Variants in BRAF observed in about 807,000 individuals in gnomAD.
The protein encoded by BRAF is B-Raf proto-oncogene, serine/threonine kinase.
A neutral mutation model predicts 104.6 loss-of-function variants in BRAF; 16 were observed. That is an observed-to-expected ratio of 0.15 (90% CI 0.10 to 0.23). The LOEUF is 0.23. Ranked by LOEUF, BRAF falls within the 10% of genes least tolerant of loss-of-function variation. BRAF has a pLI of 1.00. For missense variants in BRAF, 541 were observed against 937.3 expected (o/e 0.58, Z 5.52); for synonymous variants, 310 against 341.6 (o/e 0.91, Z 1.02).
chr7:140,891,088 A>C (rs1461343105), intron 1 of BRAF, among the ~76,000 whole-genome samples: 2 of 152,230 alleles, frequency 1.3e-5, no homozygotes, highest in Admixed American at 1.3e-4. Context: ...ATAGGCTCCT[A>C]TACTACAAAG....
chr7:140,816,353 G>T (rs148925014), intron 3 of BRAF, among the ~76,000 whole-genome samples: 1 of 152,274 alleles, frequency 6.6e-6, no homozygotes, highest in African/African-American at 2.4e-5. Flanking sequence ...AAAGGAGAGG[G>T]AAGGTCTAGC....
intron 3 of BRAF, among the ~76,000 whole-genome samples, chr7:140,829,161 T>C (rs1806413234): frequency 6.6e-6 from 1 of 151,228 alleles, no homozygotes; most frequent in African/African-American, 2.4e-5. Flanking sequence ...GTTTCCAAAT[T>C]TATACAGACT....
intron 2 of BRAF, among the ~76,000 whole-genome samples, chr7:140,836,499 A>T (rs2129063470): frequency 6.8e-6 from 1 of 146,014 alleles, no homozygotes; most frequent in South Asian, 2.2e-4. Context: ...GGGGGCGGGG[A>T]ATAGTAACAA....
chr7:140,793,599 A>T (rs1802199440), intron 8 of BRAF, among the ~76,000 whole-genome samples: 1 of 152,208 alleles, frequency 6.6e-6, no homozygotes, highest in Non-Finnish European at 1.5e-5. Context: ...TTTGTTGGTC[A>T]TAATGCCAAG....
chr7:140,728,498 A>C (rs565833011), intron 19 of BRAF, among the ~76,000 whole-genome samples: 11 of 152,126 alleles, frequency 7.2e-5, no homozygotes, highest in Non-Finnish European at 1.6e-4. Flanking sequence ...GGGTAAAAGA[A>C]TTATTGCCTC....
intron 1 of BRAF, among the ~76,000 whole-genome samples, chr7:140,868,860 A>G (rs1022464600): frequency 3.3e-5 from 5 of 152,240 alleles, no homozygotes; most frequent in African/African-American, 1.2e-4. Flanking sequence ...ATGATGGCCA[A>G]GTGAAAGATG....
chr7:140,759,694 A>C (rs895177473), intron 14 of BRAF, among the ~76,000 whole-genome samples: 6 of 152,192 alleles, frequency 3.9e-5, no homozygotes, highest in Non-Finnish European at 5.9e-5. Flanking sequence ...CCCTGATTAC[A>C]GGTATTTTAA....
At chr7:140,904,766 G>T (rs962822052) in intron 1 of BRAF, among the ~76,000 whole-genome samples, 1 of 151,904 alleles carries the variant, frequency 6.6e-6, no homozygotes, top group Admixed American at 6.6e-5. Context: ...GCACCACCAC[G>T]CCCAGCTAAT....
rs2130826951 is a variant in BRAF, at chr7:140,724,362, T to C, written c.*2132A>G. 5 of 1,054,978 alleles carry C rather than the reference T, an allele frequency of 4.7e-6. No individual in the cohort carries two copies. The highest frequency in any genetic ancestry group is 5.7e-6 in the Non-Finnish European group (5 of 872,816). 65.4% of individuals were successfully genotyped at this position (1,054,978 alleles called of 1,614,324 possible). ...GGGAACACAGCCACATTTAAAAGCATCTAGAGATATATTTAAAAAGAAAAA... is the reference window on the plus strand; with the variant it reads ...GGGAACACAGCCACATTTAAAAGCACCTAGAGATATATTTAAAAAGAAAAA... On this transcript the variant is annotated 3_prime_UTR_variant, in exon 20 of 20. Transcript: ENST00000644969.
chr7:140,719,726 G>C lies in BRAF; in HGVS notation c.*6768C>G. On this transcript the variant is annotated 3_prime_UTR_variant, in exon 20 of 20. Transcript: ENST00000644969. ...GTCTTTTTTATGAATTGAAAAATAA[G>C]CTTTAAAAATAGTTACTCCATTGTA... 1 of 1,061,678 alleles carries C rather than the reference G, an allele frequency of 9.4e-7. No individual in the cohort carries two copies. Among genetic ancestry groups the C allele is most frequent in the Non-Finnish European group, 1.1e-6 (1 of 876,954 alleles). 65.8% of individuals were successfully genotyped at this position (1,061,678 alleles called of 1,614,324 possible).
intron 1 of BRAF, among the ~76,000 whole-genome samples, chr7:140,888,140 T>C (rs1484457496): frequency 1.3e-5 from 2 of 152,198 alleles, no homozygotes; most frequent in Non-Finnish European, 2.9e-5. Context: ...TCCAAAGTGC[T>C]GGGATCACAG....
At chr7:140,741,486 C>T (rs1291711086) in intron 17 of BRAF, 1 of 152,170 alleles carries the variant, frequency 6.6e-6, no homozygotes, top group Non-Finnish European at 1.5e-5. Context: ...GCTTATCATA[C>T]CTTTCTTTAC....
intron 17 of BRAF, among the ~76,000 whole-genome samples, chr7:140,743,386 T>G (rs1404315158): frequency 1.3e-5 from 2 of 152,064 alleles, no homozygotes; most frequent in African/African-American, 4.8e-5. Flanking sequence ...TGGAATACTA[T>G]GCAGCCATAA....
At chr7:140,808,351 CAAAAAAAAAAAA>C (rs35843886) in intron 4 of BRAF, 56 of 199,058 alleles carry the variant, frequency 2.8e-4, no homozygotes, top group Admixed American at 8.3e-4. Context: ...TCCTGGGGTC[CAAAAAAAAAAAA>C]AAAAAAAAAA....
intron 14 of BRAF, among the ~76,000 whole-genome samples, chr7:140,763,016 C>G (rs1428969533): frequency 6.6e-6 from 1 of 152,366 alleles, no homozygotes; most frequent in Admixed American, 6.5e-5. Flanking sequence ...TCTTTCTACA[C>G]AGACACGGCA....
chr7:140,755,910 T>C (rs751483231), intron 14 of BRAF, among the ~76,000 whole-genome samples: 21 of 151,828 alleles, frequency 1.4e-4, no homozygotes, highest in Non-Finnish European at 2.8e-4. Flanking sequence ...AGGTTCTTTT[T>C]CCTGCAAGAC....
Position 140,850,182 on chromosome 7 carries a change from T to A in BRAF, c.169A>T (p.Thr57Ser), listed in dbSNP as rs1354935301. ...AATAGGGCCTCTATATGTTCCTGTG[T>A]CAACTTAATCATTTGTTTGATATTC... ...VWNIKQMIKL[T>S]QEHIEALLDK... is the part of the protein sequence containing the mutation. The change falls in exon 2 of 20, where the codon ACA (threonine) becomes TCA (serine). Residue 57 changes from threonine (T) to serine (S), a missense_variant. Thr to Ser is a moderately conservative substitution (Grantham distance 58). Around this residue, in one of 10 missense-constraint regions of BRAF, gnomAD observed 86 missense variants for 133.9 expected, o/e 0.64. Transcript: ENST00000644969. 1 of 1,611,366 alleles carries A rather than the reference T, an allele frequency of 6.2e-7. No homozygotes were observed. The highest frequency in any genetic ancestry group is 8.5e-7 in the Non-Finnish European group (1 of 1,178,640).
At chr7:140,846,987 T>A (rs1466585293) in intron 2 of BRAF, among the ~76,000 whole-genome samples, 1 of 151,762 alleles carries the variant, frequency 6.6e-6, no homozygotes, top group African/African-American at 2.4e-5. Context: ...GAAACCTGTC[T>A]CCACTAAAAA....
intron 2 of BRAF, among the ~76,000 whole-genome samples, chr7:140,844,153 C>T (rs1460991582): frequency 1.3e-5 from 2 of 152,126 alleles, no homozygotes; most frequent in African/African-American, 2.4e-5. Flanking sequence ...CCTTCCCCTC[C>T]CTTGTCCAAG....
Sources: gnomAD v4.1 joint callset for allele counts (sites outside exome capture counted in the v4.1 genomes callset) on GRCh38, gnomAD v4.1.1 for gene constraint, gnomAD v4.1.1 regional missense constraint, MANE v1.5 for transcripts, NCBI Gene and HGNC (gene_info 2026-07-23, HGNC 2026-07-21) for gene names.